GALNT13: variants seen among roughly 807,000 people sequenced by gnomAD.
GALNT13 encodes the protein UDP-GalNAc:polypeptide N-acetylgalactosaminyltransferase 13.
In GALNT13, 28 loss-of-function variants were observed where a neutral mutation model predicts 64.2. The observed-to-expected ratio is 0.44, with a 90% CI of 0.32 to 0.60. The LOEUF is 0.60. Ranked by LOEUF, GALNT13 falls within the 20% of genes least tolerant of loss-of-function variation. The probability of loss-of-function intolerance (pLI) is 0.05; values close to 1 mark genes in which losing one functional copy is unlikely to be tolerated. For missense variants in GALNT13, 577 were observed against 669.8 expected, an observed-to-expected ratio of 0.86 and a Z score of 1.53; for synonymous variants, 214 against 224.6, an observed-to-expected ratio of 0.95 and a Z score of 0.42.
At chr2:153,602,821 C>T in the GALNT13 span, among the ~76,000 whole-genome samples, 2 of 151,592 alleles carry the variant, frequency 1.3e-5, no homozygotes, top group Admixed American at 1.3e-4. Flanking sequence ...ACTCCAGGGG[C>T]AATGGCAGAG....
At chr2:153,782,914 G>A in the GALNT13 span, among the ~76,000 whole-genome samples, 1 of 152,186 alleles carries the variant, frequency 6.6e-6, no homozygotes, top group Non-Finnish European at 1.5e-5. Context: ...TGGTTAGTGA[G>A]CTCTTTTGAG....
intron 2 of GALNT13, among the ~76,000 whole-genome samples, chr2:153,921,474 C>T (rs1476231034): frequency 1.3e-5 from 2 of 151,962 alleles, no homozygotes; most frequent in Non-Finnish European, 2.9e-5. Context: ...AGGGTGGAGT[C>T]TTGGAGGAGG....
At chr2:154,186,071 A>G (rs1202331763) in intron 4 of GALNT13, among the ~76,000 whole-genome samples, 1 of 152,024 alleles carries the variant, frequency 6.6e-6, no homozygotes, top group Non-Finnish European at 1.5e-5. Context: ...AATTTTTTTT[A>G]CACATTGTAA....
chr2:153,969,437 T>G (rs1693599993), intron 3 of GALNT13, among the ~76,000 whole-genome samples: 1 of 152,078 alleles, frequency 6.6e-6, no homozygotes. Flanking sequence ...TATTTAAACA[T>G]TTTGTTCAAT....
the GALNT13 span, among the ~76,000 whole-genome samples, chr2:153,772,737 G>A: frequency 2.6e-5 from 4 of 152,122 alleles, no homozygotes; most frequent in Non-Finnish European, 5.9e-5. Context: ...TTGCAGTAAT[G>A]TCTACATTCG....
chr2:154,405,643 A>G (rs1264360248), intron 10 of GALNT13, among the ~76,000 whole-genome samples: 3 of 151,790 alleles, frequency 2.0e-5, no homozygotes, highest in African/African-American at 7.3e-5. Flanking sequence ...AATCCCAGCT[A>G]CTTGGGAAGC....
intron 3 of GALNT13, among the ~76,000 whole-genome samples, chr2:154,113,575 T>TA (rs2105496735): frequency 6.6e-6 from 1 of 152,308 alleles, no homozygotes. Context: ...CCCTAGAAAT[T>TA]ACTGAGGTAG....
chr2:153,446,396 T>A, the GALNT13 span, among the ~76,000 whole-genome samples: 1 of 152,218 alleles, frequency 6.6e-6, no homozygotes, highest in East Asian at 1.9e-4. Flanking sequence ...ATAAATTTTC[T>A]TAAAAAGTAG....
chr2:154,344,754 A>G (rs990901341), intron 9 of GALNT13, among the ~76,000 whole-genome samples: 1 of 152,036 alleles, frequency 6.6e-6, no homozygotes, highest in Non-Finnish European at 1.5e-5. Flanking sequence ...TCATTATGCC[A>G]TCACTATTAA....
intron 1 of GALNT13, among the ~76,000 whole-genome samples, chr2:153,879,667 C>G (rs1262133142): frequency 6.6e-6 from 1 of 152,088 alleles, no homozygotes; most frequent in Non-Finnish European, 1.5e-5. Flanking sequence ...GCCACTGATC[C>G]TGGCCGTGCT....
At chr2:153,277,927 C>CTTTTTTTTT in the GALNT13 span, among the ~76,000 whole-genome samples, 151 of 80,072 alleles carry the variant, frequency 1.9e-3, 2 homozygotes, top group African/African-American at 3.8e-3. Context: ...TCTTTTCTTT[C>CTTTTTTTTT]TTTTTTTTTT....
the GALNT13 span, among the ~76,000 whole-genome samples, chr2:153,277,923 C>CTTTTTTTTT: frequency 0.02 from 1,560 of 78,834 alleles, 516 homozygotes; most frequent in African/African-American, 0.023. Context: ...GTTTTCTTTT[C>CTTTTTTTTT]TTTCTTTTTT....
chr2:153,252,392 T>C, the GALNT13 span, among the ~76,000 whole-genome samples: 11 of 123,346 alleles, frequency 8.9e-5, no homozygotes, highest in East Asian at 2.2e-3. Context: ...GATGAGTAGG[T>C]TGTGAAAATT....
At chr2:154,174,262 A>G (rs1357047343) in intron 4 of GALNT13, among the ~76,000 whole-genome samples, 2 of 152,150 alleles carry the variant, frequency 1.3e-5, no homozygotes, top group Non-Finnish European at 2.9e-5. Context: ...GCTTAATCAA[A>G]TACTGGTATT....
Position 153,945,334 on chromosome 2 carries a change from T to C in GALNT13, c.142+695T>C, listed in dbSNP as rs894858292. ...TGTGAAGTTATTCCAGTTTTCTCTA[T>C]GCTTTCTTTTTTGTTAACTTCAAGA... On this transcript the variant is annotated intron_variant, in intron 3 of 12. Coordinates refer to ENST00000392825, the MANE Select transcript of GALNT13 (RefSeq NM_052917.4). Among the ~76,000 whole-genome samples, 4 of 152,182 alleles carry C rather than the reference T, an allele frequency of 2.6e-5. No homozygotes were observed. The East Asian group carries it at 7.7e-4, about 29-fold the overall frequency.
At chr2:154,190,665 A>G (rs964845943) in intron 4 of GALNT13, among the ~76,000 whole-genome samples, 14 of 152,210 alleles carry the variant, frequency 9.2e-5, no homozygotes, top group Admixed American at 3.3e-4. Flanking sequence ...ATCAAACACC[A>G]TAAGTGCAGT....
intron 9 of GALNT13, among the ~76,000 whole-genome samples, chr2:154,378,977 A>G (rs567919636): frequency 6.6e-6 from 1 of 152,170 alleles, no homozygotes; most frequent in East Asian, 1.9e-4. Context: ...AAAATGTTTC[A>G]GGCCCAGTCT....
the GALNT13 span, among the ~76,000 whole-genome samples, chr2:153,646,996 G>A: frequency 1.3e-5 from 2 of 152,120 alleles, no homozygotes; most frequent in East Asian, 1.9e-4. Context: ...GGATGGCTGG[G>A]TCAAATGGTA....
At chr2:153,309,583 T>C in the GALNT13 span, among the ~76,000 whole-genome samples, 50 of 151,978 alleles carry the variant, frequency 3.3e-4, no homozygotes, top group Admixed American at 2.6e-4. Flanking sequence ...AAATTTCTTT[T>C]CCTTAGCTTT....
Sources: gnomAD v4.1 joint callset for allele counts (sites outside exome capture counted in the v4.1 genomes callset) on GRCh38, gnomAD v4.1.1 for gene constraint, MANE v1.5 for transcripts, NCBI Gene and HGNC (gene_info 2026-07-23, HGNC 2026-07-21) for gene names.